Variants in RP1 observed in about 807,000 individuals in gnomAD.
RP1 encodes the protein RP1 axonemal microtubule associated.
RP1 carries 16 observed loss-of-function variants against 14.8 expected under a neutral mutation model. The observed-to-expected ratio is 1.08, with a 90% CI of 0.73 to 1.65. RP1 has a LOEUF of 1.65. RP1 is among the 40% of genes most tolerant of loss of function. The probability of loss-of-function intolerance (pLI) is 0.00; values close to 1 mark genes in which losing one functional copy is unlikely to be tolerated. For synonymous variants in RP1, 876 were observed against 883.6 expected, an observed-to-expected ratio of 0.99 and a Z score of 0.15; for missense variants, 2,631 against 2,535.0, an observed-to-expected ratio of 1.04 and a Z score of -0.81.
intron 25 of RP1, among the ~76,000 whole-genome samples, chr8:54,845,898 A>G (rs1361240807): frequency 6.6e-6 from 1 of 152,176 alleles, no homozygotes; most frequent in Non-Finnish European, 1.5e-5. Flanking sequence ...TCCTCCTGAA[A>G]CATCTACTGG....
exon 28 of RP1, chr8:54,865,891 G>A (rs1812446621): frequency 8.1e-7 from 1 of 1,228,000 alleles, no homozygotes; most frequent in South Asian, 4.1e-5. Context: ...AGACAGCAGT[G>A]AAGAGGTGCT....
At chr8:54,692,071 GT>G (rs2129339741) in intron 12 of RP1, among the ~76,000 whole-genome samples, 1 of 151,900 alleles carries the variant, frequency 6.6e-6, no homozygotes, top group East Asian at 2.0e-4. Context: ...GTGGTGTTTG[GT>G]TTTTTGTCCT....
chr8:54,597,826 G>A (rs540195649), intron 1 of RP1, among the ~76,000 whole-genome samples: 2 of 152,242 alleles, frequency 1.3e-5, no homozygotes, highest in Middle Eastern at 3.4e-3. Context: ...GTTGCTTTGG[G>A]CTGTGGGTGG....
intron 25 of RP1, among the ~76,000 whole-genome samples, chr8:54,851,528 C>A (rs1812061156): frequency 6.6e-6 from 1 of 152,192 alleles, no homozygotes; most frequent in African/African-American, 2.4e-5. Context: ...TCACTTAATT[C>A]AGTCCAGGCA....
chr8:54,611,620 T>C (rs1805594207), upstream of RP1, among the ~76,000 whole-genome samples: 1 of 152,200 alleles, frequency 6.6e-6, no homozygotes, highest in Non-Finnish European at 1.5e-5. Context: ...TGTCCATGTG[T>C]TCCTTTAGTG....
chr8:54,717,292 T>C (rs1437781), intron 15 of RP1, among the ~76,000 whole-genome samples: 62,785 of 152,034 alleles, frequency 0.41, 14,138 homozygotes, highest in African/African-American at 0.59. Flanking sequence ...GCAAAGATGT[T>C]TTTGCTCTAG....
intron 25 of RP1, chr8:54,837,706 A>G: frequency 9.0e-7 from 1 of 1,114,620 alleles, no homozygotes; most frequent in East Asian, 3.2e-5. Flanking sequence ...GTGTATTGAA[A>G]ATTAAAATAA....
intron 25 of RP1, among the ~76,000 whole-genome samples, chr8:54,848,874 G>T (rs574142025): frequency 9.9e-5 from 15 of 152,062 alleles, no homozygotes; most frequent in East Asian, 3.9e-4. Context: ...TCAGCCTCCC[G>T]AGTAGCTGAG....
intron 21 of RP1, among the ~76,000 whole-genome samples, chr8:54,756,582 G>A (rs1316336129): frequency 6.6e-6 from 1 of 152,136 alleles, no homozygotes; most frequent in East Asian, 1.9e-4. Flanking sequence ...AGCAAAATTA[G>A]GCCTAACTTT....
At chr8:54,726,402 T>C (rs1464608683) in exon 17 of RP1, 1 of 1,534,238 alleles carries the variant, frequency 6.5e-7, no homozygotes, top group Admixed American at 2.0e-5. Context: ...GAAGAAAAGA[T>C]CCATGAGTCA....
intron 1 of RP1, among the ~76,000 whole-genome samples, chr8:54,572,024 C>G (rs964625710): frequency 6.6e-6 from 1 of 152,094 alleles, no homozygotes; most frequent in African/African-American, 2.4e-5. Context: ...TTTAAGGAAC[C>G]CAATTCAGCC....
In RP1 at chr8:54,603,170, G is replaced by C. The variant is rs9693665; in HGVS notation, c.-12-17785G>C. 1.4e-3 allele frequency among the ~76,000 whole-genome samples: 212 copies of C among 152,144 alleles called. 1 individual carries two copies. Among genetic ancestry groups the C allele is most frequent in the African/African-American group, 4.6e-3 (191 of 41,514 alleles). The stretch of plus-strand genomic sequence containing the variant: ...TTCTTCTAGGGTTTTTATGGTTTTA[G>C]GTCTAACATTTAAGTCCTTAATCCA... On this transcript the variant is annotated intron_variant, in intron 1 of 22. Coordinates refer to the RP1 transcript ENST00000636932.
chr8:54,855,118 G>T (rs1390423415), intron 26 of RP1, among the ~76,000 whole-genome samples: 2 of 152,098 alleles, frequency 1.3e-5, no homozygotes, highest in African/African-American at 4.8e-5. Context: ...ATGTGTCTAT[G>T]AGTTGACTAC....
At chr8:54,623,968 T>A (rs1226105079) in intron 3 of RP1, among the ~76,000 whole-genome samples, 1 of 152,200 alleles carries the variant, frequency 6.6e-6, no homozygotes, top group African/African-American at 2.4e-5. Flanking sequence ...AACTTTTATC[T>A]TTGGTAGAAT....
chr8:54,794,316 C>T (rs930772186), intron 24 of RP1, among the ~76,000 whole-genome samples: 5 of 151,538 alleles, frequency 3.3e-5, no homozygotes, highest in Admixed American at 3.3e-4. Context: ...ACACTATATT[C>T]TAAAGCCATA....
At chr8:54,600,626 A>G (rs1472629211) in intron 1 of RP1, among the ~76,000 whole-genome samples, 1 of 152,020 alleles carries the variant, frequency 6.6e-6, no homozygotes, top group Non-Finnish European at 1.5e-5. Flanking sequence ...GAAGAGAGGG[A>G]TGCCTCATTA....
intron 10 of RP1, chr8:54,679,507 T>C (rs1473298424): frequency 1.3e-6 from 2 of 1,535,876 alleles, no homozygotes; most frequent in Non-Finnish European, 8.7e-7. Flanking sequence ...GTAGGTATCA[T>C]GTATACACAT....
intron 24 of RP1, among the ~76,000 whole-genome samples, chr8:54,821,368 CA>C (rs1159286476): frequency 4.6e-5 from 7 of 151,228 alleles, no homozygotes; most frequent in South Asian, 2.1e-4. Flanking sequence ...GGTGGACATC[CA>C]AAAAAAACAG....
downstream of RP1, among the ~76,000 whole-genome samples, chr8:54,773,204 A>G (rs1809950809): frequency 1.3e-5 from 2 of 152,184 alleles, no homozygotes; most frequent in African/African-American, 2.4e-5. Context: ...ACTTTCACCT[A>G]GTGGCCCCTT....
Sources: gnomAD v4.1 joint callset for allele counts (sites outside exome capture counted in the v4.1 genomes callset) on GRCh38, gnomAD v4.1.1 for gene constraint, MANE v1.5 for transcripts, NCBI Gene and HGNC (gene_info 2026-07-23, HGNC 2026-07-21) for gene names.